TMEM179: variants seen among roughly 807,000 people sequenced by gnomAD.
TMEM179 encodes the protein transmembrane protein 179A.
Under a neutral mutation model 22.2 loss-of-function variants are expected in TMEM179, and 17 were observed. That is an observed-to-expected ratio of 0.77 (90% CI 0.52 to 1.15). TMEM179 has a LOEUF of 1.15. Ranked by LOEUF, TMEM179 falls within the 50% of genes most tolerant of loss-of-function variation. TMEM179 has a pLI of 0.00. For synonymous variants in TMEM179, 127 were observed against 140.5 expected (o/e 0.90, Z 0.68); for missense variants, 265 against 313.6 (o/e 0.84, Z 1.17).
chr14:104,601,007 C>T (rs763528886), intron 1 of TMEM179, among the ~76,000 whole-genome samples: 3 of 152,210 alleles, frequency 2.0e-5, no homozygotes, highest in Non-Finnish European at 2.9e-5. Flanking sequence ...CTGGGCTGGA[C>T]GTCCAGTGGC....
intron 1 of TMEM179, among the ~76,000 whole-genome samples, chr14:104,601,393 C>T (rs1012684074): frequency 1.1e-4 from 16 of 152,194 alleles, no homozygotes; most frequent in African/African-American, 3.1e-4. Flanking sequence ...GTGCTCAGCC[C>T]TAAGGACACA....
At chr14:104,600,792 T>A (rs762134446) in intron 1 of TMEM179, among the ~76,000 whole-genome samples, 12 of 152,198 alleles carry the variant, frequency 7.9e-5, no homozygotes, top group Non-Finnish European at 1.6e-4. Flanking sequence ...AGCTGGCACC[T>A]GAGACATGGC....
rs993869656 is a variant in TMEM179, at chr14:104,597,470, G to A, written c.306-343C>T. 1.2e-4 allele frequency among the ~76,000 whole-genome samples: 18 copies of A among 152,148 alleles called. No homozygotes were observed. Among genetic ancestry groups the A allele is most frequent in the African/African-American group, 3.9e-4 (16 of 41,418 alleles). On this transcript the variant is annotated intron_variant, in intron 1 of 3. Transcript: ENST00000556573. This position sits in a 1 kb window ranked among gnomAD's most constrained non-coding sequence, Gnocchi z 4.8. ...AAGTGAATGACACCCTTCCAAAGCC[G>A]TCCAGCCACAGTCACCAGCAACTCT...
chr14:104,598,820 C>T (rs1887137282), intron 1 of TMEM179, among the ~76,000 whole-genome samples: 1 of 152,194 alleles, frequency 6.6e-6, no homozygotes, highest in Non-Finnish European at 1.5e-5. Context: ...TTGAGCCACC[C>T]CAGGGAGTCC....
At chr14:104,598,520 C>T (rs946248409) in intron 1 of TMEM179, among the ~76,000 whole-genome samples, 13 of 152,252 alleles carry the variant, frequency 8.5e-5, no homozygotes, top group Non-Finnish European at 1.5e-4. Context: ...TGGAGGCCAG[C>T]GCATTGTCTG....
intron 1 of TMEM179, among the ~76,000 whole-genome samples, chr14:104,599,811 C>CGG: frequency 6.6e-6 from 1 of 152,218 alleles, no homozygotes; most frequent in East Asian, 1.9e-4. Flanking sequence ...AGAGCAGGGT[C>CGG]TTTCAGACCC....
rs1033500357 is a variant in TMEM179 at position 104,593,421 on chromosome 14, C to A, written c.*58G>T. ...CCCCCCAGCTGCTTCCCCAGGCAGGCCCGTGCCCCCGAGCGCAGCAGGGAG... is the reference window on the plus strand; with the variant it reads ...CCCCCCAGCTGCTTCCCCAGGCAGGACCGTGCCCCCGAGCGCAGCAGGGAG... On this transcript the variant is annotated 3_prime_UTR_variant, in exon 4 of 4. Coordinates refer to ENST00000556573, the MANE Select transcript of TMEM179 (RefSeq NM_001286389.2). The A allele has an allele frequency of 5.4e-5, 83 of 1,530,980 alleles. No homozygotes were observed. The highest frequency in any genetic ancestry group is 7.2e-5 in the Non-Finnish European group (82 of 1,143,084). 94.8% of individuals were successfully genotyped at this position (1,530,980 alleles called of 1,614,324 possible). A position where few individuals can be genotyped will look rare whatever the true frequency, so the allele number is the denominator to read the frequency against.
In TMEM179 at chr14:104,594,377, C is replaced by G. The variant is rs865875079; in HGVS notation, c.523-719G>C. The G allele has an allele frequency of 7.3e-6, 9 of 1,231,798 alleles. No individual in the cohort carries two copies. The African/African-American group carries it at 1.4e-4, about 19-fold the overall frequency. 76.3% of individuals were successfully genotyped at this position (1,231,798 alleles called of 1,614,324 possible). A position where few individuals can be genotyped will look rare whatever the true frequency, so the allele number is the denominator to read the frequency against. On this transcript the variant is annotated intron_variant, in intron 3 of 3. Coordinates refer to ENST00000556573, the MANE Select transcript of TMEM179 (RefSeq NM_001286389.2). ...CCAGCAAGAGCCTTCAGAGGCCAGC[C>G]TGGGGTCCGGAATTGGACCTGAAGC...
chr14:104,593,490 C>T lies in TMEM179; in HGVS notation c.691G>A (p.Ala231Thr), dbSNP rs982568983. Residue 231 changes from alanine (A) to threonine (T), a missense_variant, in exon 4 of 4, where the codon GCT (alanine) becomes ACT (threonine). Ala to Thr is a moderately conservative substitution (Grantham distance 58, BLOSUM62 0). Transcript: ENST00000556573. ...PRTSFQEEKS[A>T]VI ...TGCCTGCACTGTGCCTAAATGACAG[C>T]GCTCTTCTCCTCTTGGAAGGAGGTG... 2.6e-5 allele frequency: 40 copies of T among 1,535,902 alleles called. No individual in the cohort carries two copies. The highest frequency in any genetic ancestry group is 3.3e-4 in the Middle Eastern group (2 of 6,008).
Position 104,595,643 on chromosome 14 carries a change from T to G in TMEM179, c.444-400A>C, listed in dbSNP as rs1596296755. On this transcript the variant is annotated intron_variant, in intron 2 of 3. Transcript: ENST00000556573. This position sits in a 1 kb window ranked among gnomAD's most constrained non-coding sequence, Gnocchi z 5.7. ...GCTTTTCTGGACCCTCTGCCCCCCA[T>G]GCCCCACACTCTGAGGGTCACAGGG... 6.6e-6 allele frequency among the ~76,000 whole-genome samples: 1 copy of G among 152,116 alleles called. No homozygotes were observed. The highest frequency in any genetic ancestry group is 1.9e-4 in the East Asian group (1 of 5,190).
Position 104,597,134 on chromosome 14 carries a change from C to T in TMEM179, c.306-7G>A. ...GAAGGCGGAGAAGAAGGAGCTGCAG[C>T]CAGAAACAGGAGGGGCAGGCTCACT... is the stretch of plus-strand genomic sequence containing the variant. On this transcript the variant is annotated splice_polypyrimidine_tract_variant and splice_region_variant and intron_variant, in intron 1 of 3. Coordinates refer to ENST00000556573, the MANE Select transcript of TMEM179 (RefSeq NM_001286389.2). This position sits in a 1 kb window ranked among gnomAD's most constrained non-coding sequence, Gnocchi z 4.8. 3.2e-6 allele frequency: 5 copies of T among 1,583,000 alleles called. No individual in the cohort carries two copies. The highest frequency in any genetic ancestry group is 4.3e-6 in the Non-Finnish European group (5 of 1,165,830).
chr14:104,603,759 C>G (rs1887323607), intron 1 of TMEM179, among the ~76,000 whole-genome samples: 1 of 152,178 alleles, frequency 6.6e-6, no homozygotes, highest in Non-Finnish European at 1.5e-5. Flanking sequence ...CCCCAGGGTG[C>G]CACTGGCTAA....
intron 3 of TMEM179, chr14:104,594,009 C>T (rs1450737101): frequency 4.1e-6 from 5 of 1,209,634 alleles, no homozygotes; most frequent in East Asian, 6.4e-5. Flanking sequence ...TCCGGCCTGT[C>T]GGCTCTAAGG....
chr14:104,594,255 G>A, intron 3 of TMEM179: 1 of 1,231,810 alleles, frequency 8.1e-7, no homozygotes, highest in Non-Finnish European at 1.0e-6. Flanking sequence ...GTCTTTGACA[G>A]GTCCAGTTCA....
chr14:104,597,006 C>T lies in TMEM179; in HGVS notation c.427G>A (p.Gly143Ser). Residue 143 changes from glycine (G) to serine (S), a missense_variant, in exon 2 of 4, where the codon GGC becomes AGC. By Grantham distance (56) the Gly-to-Ser change is moderately conservative (BLOSUM62 0). Transcript: ENST00000556573. The surrounding 1 kb of genome is among the most constrained non-coding windows in gnomAD (Gnocchi z 4.8). ...TMWCDTITEK[G>S]TVPHSCEELQ... ...CGGGCGCACCTGTGGGGTACGGTGCCCTTCTCGGTGATGGTGTCGCACCAC... is the reference window on the plus strand; with the variant it reads ...CGGGCGCACCTGTGGGGTACGGTGCTCTTCTCGGTGATGGTGTCGCACCAC... 1 of 1,606,892 alleles carries T rather than the reference C, an allele frequency of 6.2e-7. No homozygotes were observed. Among genetic ancestry groups the T allele is most frequent in the Non-Finnish European group, 8.5e-7 (1 of 1,178,822 alleles).
chr14:104,601,148 C>T (rs567890991), intron 1 of TMEM179, among the ~76,000 whole-genome samples: 1 of 152,326 alleles, frequency 6.6e-6, no homozygotes, highest in African/African-American at 2.4e-5. Flanking sequence ...GCTGGACCAA[C>T]AATTGAGTTG....
chr14:104,596,997 G>C lies in TMEM179; in HGVS notation c.436C>G (p.Pro146Ala). ...CDTITEKGTVPHSCEELQDID... is the reference protein window; with the variant it reads ...CDTITEKGTVAHSCEELQDID... ...CGGGTGGGGCGGGCGCACCTGTGGG[G>C]TACGGTGCCCTTCTCGGTGATGGTG... The change falls in exon 2 of 4, where the codon CCC (proline) becomes GCC (alanine). Residue 146 changes from proline to alanine, a missense_variant. Transcript: ENST00000556573. The C allele has an allele frequency of 6.2e-7, 1 of 1,605,096 alleles. No homozygotes were observed. Among genetic ancestry groups the C allele is most frequent in the Non-Finnish European group, 8.5e-7 (1 of 1,178,466 alleles).
Position 104,593,078 on chromosome 14 carries a change from A to C in TMEM179, c.*401T>G. ...ATTCATGCAGAATTCGTTCAGGGCTAAGTGACATCTGGCCACCCCTGGGCC... is the reference window on the plus strand; with the variant it reads ...ATTCATGCAGAATTCGTTCAGGGCTCAGTGACATCTGGCCACCCCTGGGCC... On this transcript the variant is annotated 3_prime_UTR_variant, in exon 4 of 4. Coordinates refer to ENST00000556573, the MANE Select transcript of TMEM179 (RefSeq NM_001286389.2). The C allele has an allele frequency of 4.4e-6, 1 of 228,992 alleles. No individual in the cohort carries two copies. 14.2% of individuals were successfully genotyped at this position (228,992 alleles called of 1,614,324 possible). A position where few individuals can be genotyped will look rare whatever the true frequency, so the allele number is the denominator to read the frequency against.
rs1211329918 is a variant in TMEM179, at chr14:104,592,493, CTCAG to C, written c.*982_*985del. ...TCACAGGCAGTCACACTCTCATGCA[CTCAG>C]TCACACCCTCACATGCACACTCATG... is the stretch of plus-strand genomic sequence containing the variant. On this transcript the variant is annotated 3_prime_UTR_variant, in exon 4 of 4. Transcript: ENST00000556573. 1 of 153,854 alleles carries C rather than the reference CTCAG, an allele frequency of 6.5e-6. No homozygotes were observed. Among genetic ancestry groups the C allele is most frequent in the Non-Finnish European group, 1.5e-5 (1 of 68,900 alleles). The allele number at this position is 153,854 out of a possible 1,614,324, so 9.5% of individuals were successfully genotyped here.
Sources: gnomAD v4.1 joint callset for allele counts (sites outside exome capture counted in the v4.1 genomes callset) on GRCh38, gnomAD v4.1.1 for gene constraint, Gnocchi (gnomAD v3.1) non-coding constraint, MANE v1.5 for transcripts, NCBI Gene and HGNC (gene_info 2026-07-23, HGNC 2026-07-21) for gene names.